NDUFA9: variants seen among roughly 807,000 people sequenced by gnomAD.
The protein encoded by NDUFA9 is NADH dehydrogenase [ubiquinone] 1 alpha subcomplex subunit 9, mitochondrial.
Under a neutral mutation model 45.9 loss-of-function variants are expected in NDUFA9, and 23 were observed. The ratio of observed to expected loss-of-function variants is 0.50; its 90% CI spans 0.36 to 0.71. The LOEUF (loss-of-function observed/expected upper bound fraction) is 0.71, where lower values mean the gene tolerates loss of function less well. Ranked by LOEUF, NDUFA9 falls within the 30% of genes least tolerant of loss-of-function variation. The pLI is 0.00. For synonymous variants in NDUFA9, 176 were observed against 170.5 expected (o/e 1.03, Z -0.25); for missense variants, 466 against 488.2 (o/e 0.95, Z 0.43).
chr12:4,666,580 G>T (rs1200469377), intron 6 of NDUFA9, among the ~76,000 whole-genome samples: 2 of 152,052 alleles, frequency 1.3e-5, no homozygotes, highest in African/African-American at 2.4e-5. Flanking sequence ...TGAGGTAAGG[G>T]TCCAATTTTA....
chr12:4,685,024 C>T, intron 9 of NDUFA9: 4 of 627,836 alleles, frequency 6.4e-6, no homozygotes, highest in South Asian at 1.8e-5. Flanking sequence ...TCTGTTGTTT[C>T]TTTGGAGGAG....
chr12:4,652,082 T>A (rs893592264), intron 1 of NDUFA9, among the ~76,000 whole-genome samples: 3 of 152,182 alleles, frequency 2.0e-5, no homozygotes, highest in Admixed American at 1.3e-4. Context: ...ATCAAAGGAA[T>A]CAGATGAGAA....
chr12:4,677,745 C>T (rs895449960), intron 8 of NDUFA9, among the ~76,000 whole-genome samples: 12 of 152,080 alleles, frequency 7.9e-5, no homozygotes, highest in African/African-American at 2.2e-4. Flanking sequence ...TCAAGGATCT[C>T]GAAGTAGAAA....
At chr12:4,662,921 T>C (rs953710891) in intron 6 of NDUFA9, among the ~76,000 whole-genome samples, 2 of 152,186 alleles carry the variant, frequency 1.3e-5, no homozygotes, top group African/African-American at 4.8e-5. Context: ...TATTCGAATA[T>C]CACATGGAAT....
chr12:4,651,517 A>C (rs568456804), intron 1 of NDUFA9, among the ~76,000 whole-genome samples: 6 of 152,250 alleles, frequency 3.9e-5, no homozygotes, highest in African/African-American at 1.4e-4. Context: ...TTAAAAAAAA[A>C]CAATAGCCAT....
At chr12:4,682,390 T>G (rs1419780855) in intron 9 of NDUFA9, 90 bp downstream of exon 9, 8 of 824,168 alleles carry the variant, frequency 9.7e-6, no homozygotes, top group Non-Finnish European at 1.3e-5. Flanking sequence ...ATAGGGTGTG[T>G]GAAGGGCTGG....
At chr12:4,684,590 T>C (rs894598906) in intron 9 of NDUFA9, among the ~76,000 whole-genome samples, 2 of 152,064 alleles carry the variant, frequency 1.3e-5, no homozygotes, top group Non-Finnish European at 2.9e-5. Flanking sequence ...GACAACATAG[T>C]GAGACCCTGT....
At chr12:4,660,245 A>G (rs1483991080) in intron 5 of NDUFA9, among the ~76,000 whole-genome samples, 1 of 152,188 alleles carries the variant, frequency 6.6e-6, no homozygotes, top group Non-Finnish European at 1.5e-5. Context: ...TGCGCTCCAG[A>G]CCAATTAAAA....
rs180861056 is a variant in NDUFA9, at chr12:4,653,603, C to T, written c.50-689C>T. 642 of 449,812 alleles carry T rather than the reference C, an allele frequency of 1.4e-3. 3 individuals are homozygous for T. The highest frequency in any genetic ancestry group is 0.012 in the African/African-American group (601 of 49,678). The allele number at this position is 449,812 out of a possible 1,614,324, so 27.9% of individuals were successfully genotyped here. Reference sequence around the variant, plus strand: ...GACAAGTCTCTTGCTGTTAAACTTTCTAAAAGTCAGAATATCTTTTCTCAA... The same window carrying T: ...GACAAGTCTCTTGCTGTTAAACTTTTTAAAAGTCAGAATATCTTTTCTCAA... On this transcript the variant is annotated intron_variant, in intron 1 of 10. Coordinates refer to ENST00000266544, the MANE Select transcript of NDUFA9 (RefSeq NM_005002.5).
rs68144469 is a variant in NDUFA9 at position 4,668,308 on chromosome 12, G to A, written c.656-149G>A. On this transcript the variant is annotated intron_variant, in intron 6 of 10. Transcript: ENST00000266544. ...TTTATTATCTGAAAAACTAATGACT[G>A]CCTTTTGTAAGTGCATTCACTTCCT... 87,271 of 631,686 alleles carry A rather than the reference G, an allele frequency of 0.14. 7,033 individuals are homozygous for A. The highest frequency in any genetic ancestry group is 0.22 in the Middle Eastern group (822 of 3,786). The allele number at this position is 631,686 out of a possible 1,614,324, so 39.1% of individuals were successfully genotyped here. A position where few individuals can be genotyped will look rare whatever the true frequency, so the allele number is the denominator to read the frequency against.
rs1274892505 is a variant in NDUFA9 at position 4,687,890 on chromosome 12, A to G, written c.*782A>G. 2 of 152,136 alleles carry G rather than the reference A, an allele frequency of 1.3e-5. No individual in the cohort carries two copies. The highest frequency in any genetic ancestry group is 2.4e-5 in the African/African-American group (1 of 41,416). The allele number at this position is 152,136 out of a possible 1,614,324, so 9.4% of individuals were successfully genotyped here. On this transcript the variant is annotated 3_prime_UTR_variant, in exon 11 of 11. Transcript: ENST00000266544. The stretch of plus-strand genomic sequence containing the variant: ...TACAGTGTGATTTAAAACTCCCACA[A>G]TTTGTGGTGAAGCCAACATACCACC...
chr12:4,660,255 A>G (rs1032490194), intron 5 of NDUFA9, among the ~76,000 whole-genome samples: 18 of 152,150 alleles, frequency 1.2e-4, no homozygotes, highest in Admixed American at 1.2e-3. Context: ...ACCAATTAAA[A>G]CAATTTCTGG....
chr12:4,669,635 C>G, intron 7 of NDUFA9, 106 bp from the exon 8 acceptor site: 4 of 694,936 alleles, frequency 5.8e-6, no homozygotes, highest in Admixed American at 2.6e-5. Context: ...CTTTCTCCTT[C>G]CTTCCTTCCT....
chr12:4,665,788 G>A (rs1821852829), intron 6 of NDUFA9, among the ~76,000 whole-genome samples: 1 of 149,930 alleles, frequency 6.7e-6, no homozygotes, highest in African/African-American at 2.5e-5. Flanking sequence ...TAGTTCTAAG[G>A]TGGTATTTCA....
chr12:4,664,320 T>C (rs572136192), intron 6 of NDUFA9, among the ~76,000 whole-genome samples: 1 of 152,284 alleles, frequency 6.6e-6, no homozygotes, highest in East Asian at 1.9e-4. Context: ...TGAGATTACA[T>C]CAGCAAAGTC....
Position 4,659,027 on chromosome 12 carries a change from A to G in NDUFA9, c.411-9A>G, listed in dbSNP as rs4147682. 1 of 1,608,716 alleles carries G rather than the reference A, an allele frequency of 6.2e-7. No individual in the cohort carries two copies. The highest frequency in any genetic ancestry group is 1.1e-5 in the South Asian group (1 of 90,710). On this transcript the variant is annotated splice_polypyrimidine_tract_variant and intron_variant, in intron 4 of 10. Coordinates refer to ENST00000266544, the MANE Select transcript of NDUFA9 (RefSeq NM_005002.5). ...TTCTTAACCAATCCTTTTATTTTTT[A>G]TCTTCCAGAAACTTTGATTTTGAGG...
chr12:4,683,540 A>C (rs187009273), intron 9 of NDUFA9, among the ~76,000 whole-genome samples: 523 of 152,352 alleles, frequency 3.4e-3, no homozygotes, highest in Non-Finnish European at 5.7e-3. Flanking sequence ...TACCAGAAAA[A>C]TAGACCACTA....
rs899717927 is a variant in NDUFA9 at position 4,689,095 on chromosome 12, A to G, written c.*1987A>G. ...TCCATCACCTTAAACATTTACCTTTATGCTAGTAACATTCAAATTACTCTC... is the reference window on the plus strand; with the variant it reads ...TCCATCACCTTAAACATTTACCTTTGTGCTAGTAACATTCAAATTACTCTC... On this transcript the variant is annotated 3_prime_UTR_variant, in exon 11 of 11. Transcript: ENST00000266544. 4.6e-5 allele frequency: 7 copies of G among 152,190 alleles called. No individual in the cohort carries two copies. The highest frequency in any genetic ancestry group is 4.6e-4 in the Admixed American group (7 of 15,270). 9.4% of individuals were successfully genotyped at this position (152,190 alleles called of 1,614,324 possible).
At chr12:4,666,708 C>G (rs536831752) in intron 6 of NDUFA9, among the ~76,000 whole-genome samples, 2 of 152,138 alleles carry the variant, frequency 1.3e-5, no homozygotes, top group African/African-American at 4.8e-5. Flanking sequence ...TTCTCTATTC[C>G]ATTGCTCTGT....
Sources: allele counts gnomAD v4.1 joint callset (sites outside exome capture counted in the v4.1 genomes callset), GRCh38; gene constraint gnomAD v4.1.1; transcripts MANE v1.5; gene names NCBI Gene and HGNC (gene_info 2026-07-23, HGNC 2026-07-21).